Variants in ANKS1B observed in about 807,000 individuals in gnomAD.
ANKS1B encodes ankyrin repeat and sterile alpha motif domain containing 1B, also known as ankyrin repeat and sterile alpha motif domain-containing protein 1B.
ANKS1B carries 36 observed loss-of-function variants against 148.3 expected under a neutral mutation model. The ratio of observed to expected loss-of-function variants is 0.24; its 90% CI spans 0.19 to 0.32. ANKS1B has a LOEUF of 0.32. Among genes scored for constraint, ANKS1B ranks in the 10% least tolerant of loss-of-function variants. The probability of loss-of-function intolerance (pLI) is 1.00; values close to 1 mark genes in which losing one functional copy is unlikely to be tolerated. For missense variants in ANKS1B, 1,157 were observed against 1,542.6 expected, an observed-to-expected ratio of 0.75 and a Z score of 4.19; for synonymous variants, 542 against 560.8, an observed-to-expected ratio of 0.97 and a Z score of 0.47.
chr12:99,412,582 T>C (rs2094750008), intron 11 of ANKS1B, among the ~76,000 whole-genome samples: 1 of 152,244 alleles, frequency 6.6e-6, no homozygotes, highest in Non-Finnish European at 1.5e-5. Flanking sequence ...TGTCTAAATC[T>C]AGCAATATTT....
chr12:99,165,616 T>C (rs2077117268), intron 14 of ANKS1B, among the ~76,000 whole-genome samples: 1 of 151,940 alleles, frequency 6.6e-6, no homozygotes, highest in African/African-American at 2.4e-5. Context: ...ATTGAAGTAA[T>C]TGTATTTGCA....
intron 10 of ANKS1B, among the ~76,000 whole-genome samples, chr12:99,466,252 C>T (rs2096111237): frequency 6.6e-6 from 1 of 152,152 alleles, no homozygotes; most frequent in South Asian, 2.1e-4. Flanking sequence ...AAAACAAAGA[C>T]ACAACATACC....
At chr12:99,538,296 A>G (rs1324261069) in intron 9 of ANKS1B, among the ~76,000 whole-genome samples, 1 of 152,086 alleles carries the variant, frequency 6.6e-6, no homozygotes, top group Admixed American at 6.6e-5. Context: ...TCTGTGAAGA[A>G]TGTTATTGGT....
At chr12:99,504,733 T>C (rs2096689551) in intron 9 of ANKS1B, 92 bp from the exon 10 acceptor site, 1 of 986,324 alleles carries the variant, frequency 1.0e-6, no homozygotes, top group African/African-American at 1.7e-5. Flanking sequence ...GGTTCATTAG[T>C]TCTTTCCAAA....
chr12:99,484,748 T>G (rs1365886643), intron 10 of ANKS1B, among the ~76,000 whole-genome samples: 5 of 142,688 alleles, frequency 3.5e-5, no homozygotes, highest in Non-Finnish European at 7.5e-5. Flanking sequence ...GTGACCGTCT[T>G]TGTGTGTGTG....
rs145816676 is a variant in ANKS1B, at chr12:99,222,316, A to G, written c.2419+22026T>C. ...ATTGTATAAACTTTTATACTTTCTTACATTAAAACTCTCTTGGCCAGGAGT... is the reference window on the plus strand; with the variant it reads ...ATTGTATAAACTTTTATACTTTCTTGCATTAAAACTCTCTTGGCCAGGAGT... On this transcript the variant is annotated intron_variant, in intron 14 of 26. Coordinates refer to ENST00000683438, the MANE Select transcript of ANKS1B (RefSeq NM_001352186.2). 5.6e-4 allele frequency among the ~76,000 whole-genome samples: 86 copies of G among 152,308 alleles called. 1 individual carries two copies. The highest frequency in any genetic ancestry group is 1.6e-3 in the African/African-American group (65 of 41,564).
chr12:99,847,715 G>A (rs1004948223), intron 1 of ANKS1B, among the ~76,000 whole-genome samples: 1 of 152,110 alleles, frequency 6.6e-6, no homozygotes, highest in African/African-American at 2.4e-5. Context: ...ATAAAACTTT[G>A]ATTAAATAAA....
chr12:99,555,409 T>C (rs1414084939), intron 9 of ANKS1B, among the ~76,000 whole-genome samples: 1 of 152,236 alleles, frequency 6.6e-6, no homozygotes, highest in Non-Finnish European at 1.5e-5. Context: ...ACTTTTTCTC[T>C]TTTTATTTGG....
intron 8 of ANKS1B, among the ~76,000 whole-genome samples, chr12:99,675,177 G>A (rs905348026): frequency 6.6e-6 from 1 of 151,906 alleles, no homozygotes; most frequent in Non-Finnish European, 1.5e-5. Context: ...TATGTGTAAA[G>A]AATCTTTAAA....
Position 98,873,341 on chromosome 12 carries a change from C to T in ANKS1B, c.2779-41205G>A, listed in dbSNP as rs997714350. On this transcript the variant is annotated intron_variant, in intron 17 of 26. Transcript: ENST00000683438. ...ATGTATTTGACACCTAAGACTTACT[C>T]GTTAAGTGTTTGTTGAATGAATGAA... 1.1e-4 allele frequency among the ~76,000 whole-genome samples: 16 copies of T among 152,110 alleles called. 1 individual carries two copies. The highest frequency in any genetic ancestry group is 3.1e-4 in the African/African-American group (13 of 41,416).
rs116709681 is a variant in ANKS1B at position 99,845,922 on chromosome 12, G to C, written c.135-20533C>G. On this transcript the variant is annotated intron_variant, in intron 1 of 26. Transcript: ENST00000683438. ...AATATTGGTCTCTTTAAGTTTTTCA[G>C]TTAAGCAAAAGAATGGCACATCATC... is the stretch of plus-strand genomic sequence containing the variant. 5.8e-3 allele frequency among the ~76,000 whole-genome samples: 878 copies of C among 152,006 alleles called. 9 individuals are homozygous for C. Among genetic ancestry groups the C allele is most frequent in the African/African-American group, 0.02 (824 of 41,492 alleles).
chr12:99,916,893 AG>A (rs372203011), intron 1 of ANKS1B, among the ~76,000 whole-genome samples: 307 of 152,360 alleles, frequency 2.0e-3, no homozygotes, highest in African/African-American at 7.0e-3. Flanking sequence ...AATTATTAAA[AG>A]TGAGAGTACA....
At chr12:99,619,351 A>G (rs1363165738) in intron 9 of ANKS1B, among the ~76,000 whole-genome samples, 1 of 151,666 alleles carries the variant, frequency 6.6e-6, no homozygotes, top group Non-Finnish European at 1.5e-5. Context: ...GGCCCTCTCT[A>G]TTCCTAATGT....
intron 7 of ANKS1B, among the ~76,000 whole-genome samples, chr12:99,773,536 A>G (rs970058939): frequency 2.6e-5 from 4 of 152,140 alleles, no homozygotes; most frequent in African/African-American, 9.6e-5. Context: ...AACATAGGTA[A>G]TCAGTACCTT....
chr12:99,549,721 A>G (rs533244134), intron 9 of ANKS1B, among the ~76,000 whole-genome samples: 35 of 152,202 alleles, frequency 2.3e-4, no homozygotes, highest in Non-Finnish European at 3.7e-4. Flanking sequence ...TAGTCAATGC[A>G]TGAACTAACC....
rs190004728 is a variant in ANKS1B, at chr12:99,246,363, C to T, written c.2258G>A (p.Arg753Lys). 1.2e-6 allele frequency: 2 copies of T among 1,613,780 alleles called. No individual in the cohort carries two copies. The highest frequency in any genetic ancestry group is 1.1e-5 in the South Asian group (1 of 91,066). Residue 753 changes from arginine to lysine, a missense_variant, in exon 13 of 27, where the codon AGA (arginine) becomes AAA (lysine). Around this residue, in one of 6 missense-constraint regions of ANKS1B, gnomAD observed 661 missense variants for 642.1 expected, o/e 1.03. Transcript: ENST00000683438. ...IAYPSNEKTSRVNWSESSTAE... is the reference protein window; with the variant it reads ...IAYPSNEKTSKVNWSESSTAE... Reference sequence around the variant, plus strand: ...AGTGGAAGATTCACTCCAGTTAACTCTTGATGTTTTCTCATTGGAAGGATA... The same window carrying T: ...AGTGGAAGATTCACTCCAGTTAACTTTTGATGTTTTCTCATTGGAAGGATA...
chr12:98,769,165 C>CTTTTTTTTTTTTTTTTTTTTTTTTTTTT (rs1182264550), intron 25 of ANKS1B, among the ~76,000 whole-genome samples: 1 of 41,216 alleles, frequency 2.4e-5, no homozygotes, highest in African/African-American at 8.2e-5. Flanking sequence ...GTCTTCTTTA[C>CTTTTTTTTTTTTTTTTTTTTTTTTTTTT]TTTTTTTTTT....
chr12:99,890,965 A>T (rs2093070924), intron 1 of ANKS1B, among the ~76,000 whole-genome samples: 2 of 152,244 alleles, frequency 1.3e-5, no homozygotes, highest in African/African-American at 2.4e-5. Flanking sequence ...TGCCCACCAT[A>T]GGAAACCATT....
At chr12:99,518,313 A>G (rs1419126393) in intron 9 of ANKS1B, among the ~76,000 whole-genome samples, 1 of 152,138 alleles carries the variant, frequency 6.6e-6, no homozygotes, top group Non-Finnish European at 1.5e-5. Flanking sequence ...AATGTTTGGT[A>G]GAATTCAGCA....
Sources: gnomAD v4.1 joint callset for allele counts (sites outside exome capture counted in the v4.1 genomes callset) on GRCh38, gnomAD v4.1.1 for gene constraint, gnomAD v4.1.1 regional missense constraint, MANE v1.5 for transcripts, NCBI Gene and HGNC (gene_info 2026-07-23, HGNC 2026-07-21) for gene names.